GTF2IRD1: variants seen among roughly 807,000 people sequenced by gnomAD.
GTF2IRD1 encodes GTF2I repeat domain containing 1.
Under a neutral mutation model 113.2 loss-of-function variants are expected in GTF2IRD1, and 26 were observed. That is an observed-to-expected ratio of 0.23 (90% CI 0.17 to 0.32). The LOEUF (loss-of-function observed/expected upper bound fraction) is 0.32, where lower values mean the gene tolerates loss of function less well. GTF2IRD1 is among the 10% of genes least tolerant of loss of function. The pLI is 1.00. For missense variants in GTF2IRD1, 864 were observed against 1,280.8 expected (o/e 0.67, Z 4.97); for synonymous variants, 484 against 529.1 (o/e 0.91, Z 1.17).
intron 1 of GTF2IRD1, among the ~76,000 whole-genome samples, chr7:74,498,987 C>T (rs1162330078): frequency 6.6e-6 from 1 of 152,218 alleles, no homozygotes; most frequent in Non-Finnish European, 1.5e-5. Flanking sequence ...ACCTCTGCCT[C>T]CCAAAGTGCT....
At chr7:74,545,846 G>A (rs782748211) in intron 16 of GTF2IRD1, 37 bp downstream of exon 16, 50 of 1,489,100 alleles carry the variant, frequency 3.4e-5, no homozygotes, top group Middle Eastern at 1.7e-4. Flanking sequence ...GGGGCATCCC[G>A]GCCCCCCTCC....
At chr7:74,572,598 G>T (rs1800758777) in intron 22 of GTF2IRD1, 1 of 977,072 alleles carries the variant, frequency 1.0e-6, no homozygotes, top group African/African-American at 1.8e-5. Flanking sequence ...TGCTGCCCAA[G>T]ACTTGAGAGT....
intron 2 of GTF2IRD1, among the ~76,000 whole-genome samples, chr7:74,511,613 C>T (rs60668206): frequency 0.16 from 25,072 of 152,258 alleles, 2,212 homozygotes; most frequent in Middle Eastern, 0.21. Flanking sequence ...CCCCACGCCG[C>T]GTGCACCTTC....
At chr7:74,476,366 C>CT (rs61151844) in intron 1 of GTF2IRD1, among the ~76,000 whole-genome samples, 19 of 122,154 alleles carry the variant, frequency 1.6e-4, no homozygotes, top group Non-Finnish European at 1.9e-4. Context: ...TCTGAACCTC[C>CT]TTTTTTTTTT....
At chr7:74,488,028 T>G (rs1204731335) in intron 1 of GTF2IRD1, among the ~76,000 whole-genome samples, 1 of 152,172 alleles carries the variant, frequency 6.6e-6, no homozygotes, top group Non-Finnish European at 1.5e-5. Context: ...ACACTCATAA[T>G]CTAGCACTTT....
chr7:74,528,419 T>C (rs1473024358), intron 8 of GTF2IRD1, among the ~76,000 whole-genome samples: 1 of 152,040 alleles, frequency 6.6e-6, no homozygotes, highest in East Asian at 1.9e-4. Flanking sequence ...CCCAGGCTGG[T>C]CTTGAACTCC....
chr7:74,571,346 G>A (rs1448761900), intron 22 of GTF2IRD1, among the ~76,000 whole-genome samples: 1 of 152,266 alleles, frequency 6.6e-6, no homozygotes, highest in African/African-American at 2.4e-5. Context: ...GGCCAGGATG[G>A]AGCGGGGACA....
intron 22 of GTF2IRD1, among the ~76,000 whole-genome samples, chr7:74,577,858 T>A (rs1801169960): frequency 6.6e-6 from 1 of 152,058 alleles, no homozygotes; most frequent in African/African-American, 2.4e-5. Flanking sequence ...TAGGCTGGAG[T>A]GCAGTGACAC....
At chr7:74,546,175 A>T (rs1798921241) in intron 16 of GTF2IRD1, among the ~76,000 whole-genome samples, 2 of 149,648 alleles carry the variant, frequency 1.3e-5, no homozygotes, top group African/African-American at 4.9e-5. Flanking sequence ...AGATAACCTC[A>T]GTGGTGTGCC....
intron 22 of GTF2IRD1, among the ~76,000 whole-genome samples, chr7:74,580,962 C>T (rs1202379301): frequency 6.6e-6 from 1 of 152,148 alleles, no homozygotes; most frequent in African/African-American, 2.4e-5. Context: ...TCAGGCAGGT[C>T]CTCCCGAGAA....
intron 8 of GTF2IRD1, among the ~76,000 whole-genome samples, chr7:74,526,649 CG>C (rs1485140770): frequency 1.3e-5 from 2 of 152,064 alleles, no homozygotes; most frequent in African/African-American, 4.8e-5. Context: ...CAGCAGGGTT[CG>C]GGGGTTGGCC....
chr7:74,579,317 TGAAAAG>T (rs1175634417), intron 22 of GTF2IRD1, among the ~76,000 whole-genome samples: 2 of 151,916 alleles, frequency 1.3e-5, no homozygotes, highest in African/African-American at 2.4e-5. Flanking sequence ...AAATTTTTTT[TGAAAAG>T]GAAGAGGAAG....
chr7:74,575,156 AG>A (rs1554364147), intron 22 of GTF2IRD1, among the ~76,000 whole-genome samples: 1 of 152,172 alleles, frequency 6.6e-6, no homozygotes, highest in African/African-American at 2.4e-5. Context: ...GGGGATAAAC[AG>A]AAAATCTGCA....
rs782138934 is a variant in GTF2IRD1, at chr7:74,508,251, CACCTGCCTTGTAGCTCAAG to C, written c.123+49_123+67del. 8 of 1,581,664 alleles carry C rather than the reference CACCTGCCTTGTAGCTCAAG, an allele frequency of 5.1e-6. No individual in the cohort carries two copies. In the South Asian group the frequency reaches 9.1e-5, roughly 18 times the overall value. Reference sequence around the variant, plus strand: ...GAGGAGGGGACAGGGTGAGCGTCCCCACCTGCCTTGTAGCTCAAGTCCTACCTCAGCTACTCGAAGGAGC... The same window carrying C: ...GAGGAGGGGACAGGGTGAGCGTCCCCTCCTACCTCAGCTACTCGAAGGAGC... On this transcript the variant is annotated intron_variant, in intron 2 of 26. Transcript: ENST00000424337.
chr7:74,533,439 C>G (rs587627277), intron 9 of GTF2IRD1, among the ~76,000 whole-genome samples: 1 of 152,262 alleles, frequency 6.6e-6, no homozygotes, highest in East Asian at 1.9e-4. Flanking sequence ...CCGGCTGGTT[C>G]CATGCATCTT....
chr7:74,538,616 A>C, intron 12 of GTF2IRD1, 64 bp from the exon 13 acceptor site: 1 of 934,306 alleles, frequency 1.1e-6, no homozygotes, highest in Non-Finnish European at 1.8e-6. Flanking sequence ...TGTTCTGGAA[A>C]GAGTCACTCT....
intron 1 of GTF2IRD1, among the ~76,000 whole-genome samples, chr7:74,505,294 T>C (rs527536295): frequency 1.3e-5 from 2 of 152,238 alleles, no homozygotes; most frequent in Admixed American, 1.3e-4. Flanking sequence ...GGTCTCATCT[T>C]CCCCCGCTTC....
chr7:74,501,163 C>T (rs1269763090), intron 1 of GTF2IRD1, among the ~76,000 whole-genome samples: 2 of 152,066 alleles, frequency 1.3e-5, no homozygotes, highest in Non-Finnish European at 2.9e-5. Flanking sequence ...TTGCCTCTTC[C>T]CTGGGTCCCA....
intron 17 of GTF2IRD1, among the ~76,000 whole-genome samples, chr7:74,552,049 G>A (rs112269010): frequency 9.5e-4 from 145 of 152,270 alleles, no homozygotes; most frequent in African/African-American, 3.4e-3. Context: ...CCTTGCAGCT[G>A]GTACAGGGTG....
Sources: gnomAD v4.1 joint callset for allele counts (sites outside exome capture counted in the v4.1 genomes callset) on GRCh38, gnomAD v4.1.1 for gene constraint, MANE v1.5 for transcripts, NCBI Gene and HGNC (gene_info 2026-07-23, HGNC 2026-07-21) for gene names.